The following NMNAT3 variants were observed in gnomAD, a reference collection of about 807,000 sequenced individuals.
NMNAT3 encodes nicotinamide/nicotinic acid mononucleotide adenylyltransferase 3.
Under a neutral mutation model 24.8 loss-of-function variants are expected in NMNAT3, and 21 were observed. The observed-to-expected ratio is 0.85, with a 90% CI of 0.60 to 1.22. NMNAT3 has a LOEUF of 1.22. Ranked by LOEUF, NMNAT3 falls within the 50% of genes most tolerant of loss-of-function variation. NMNAT3 has a pLI of 0.00. For missense variants in NMNAT3, 387 were observed against 436.6 expected (o/e 0.89, Z 1.01); for synonymous variants, 136 against 155.2 (o/e 0.88, Z 0.92).
intron 2 of NMNAT3, chr3:139,634,645 C>A (rs2056433535): frequency 6.6e-6 from 1 of 152,148 alleles, no homozygotes; most frequent in Non-Finnish European, 1.5e-5. Flanking sequence ...CTGCCAGCCA[C>A]CCCTTGGAGG....
chr3:139,622,068 T>C (rs139632952), intron 3 of NMNAT3, among the ~76,000 whole-genome samples: 2 of 152,324 alleles, frequency 1.3e-5, no homozygotes, highest in Non-Finnish European at 2.9e-5. Context: ...CCCTTTTATA[T>C]ATTGATTTCT....
chr3:139,596,927 T>TATAC, intron 3 of NMNAT3, among the ~76,000 whole-genome samples: 1 of 20,944 alleles, frequency 4.8e-5, no homozygotes, highest in South Asian at 9.6e-4. Context: ...TATATATATA[T>TATAC]ATATATATAT....
At chr3:139,605,801 A>G (rs1340870067) in intron 3 of NMNAT3, among the ~76,000 whole-genome samples, 1 of 152,128 alleles carries the variant, frequency 6.6e-6, no homozygotes, top group Non-Finnish European at 1.5e-5. Flanking sequence ...GGAGGGGGCA[A>G]TAATGCCAAC....
chr3:139,590,925 G>T (rs1424791581), intron 3 of NMNAT3, among the ~76,000 whole-genome samples: 1 of 152,104 alleles, frequency 6.6e-6, no homozygotes, highest in African/African-American at 2.4e-5. Flanking sequence ...TAATGATATA[G>T]ATTAAAAATA....
chr3:139,672,260 T>C (rs76156573), intron 1 of NMNAT3, among the ~76,000 whole-genome samples: 61 of 152,214 alleles, frequency 4.0e-4, no homozygotes, highest in African/African-American at 1.3e-3. Context: ...CCTTGACACT[T>C]CATTTTTATA....
At chr3:139,669,029 T>A (rs60340613) in intron 1 of NMNAT3, among the ~76,000 whole-genome samples, 3,240 of 152,322 alleles carry the variant, frequency 0.021, 124 homozygotes, top group African/African-American at 0.074. Context: ...TTTACAATTT[T>A]AAATCATTTC....
chr3:139,587,110 C>A (rs912310921), intron 3 of NMNAT3, among the ~76,000 whole-genome samples: 1 of 152,202 alleles, frequency 6.6e-6, no homozygotes, highest in African/African-American at 2.4e-5. Context: ...CAATACACAA[C>A]GGCACTGACA....
intron 2 of NMNAT3, among the ~76,000 whole-genome samples, chr3:139,629,676 T>C (rs16849220): frequency 0.69 from 105,506 of 151,998 alleles, 37,903 homozygotes; most frequent in South Asian, 0.88. Flanking sequence ...ACTGTTTCAA[T>C]TTGGCCCATG....
Position 139,632,312 on chromosome 3 carries a change from C to T in NMNAT3, c.-40-4548G>A, listed in dbSNP as rs113965821. Reference sequence around the variant, plus strand: ...TCCCTCCCCAAAGCCCCACTTCACCCGACTCAATCTGAAACTTAAAAAAGA... The same window carrying T: ...TCCCTCCCCAAAGCCCCACTTCACCTGACTCAATCTGAAACTTAAAAAAGA... On this transcript the variant is annotated intron_variant, in intron 2 of 6. Transcript: ENST00000643695. Among the ~76,000 whole-genome samples the T allele has an allele frequency of 1.3e-4, 20 of 152,238 alleles. 1 individual carries two copies. The South Asian group carries it at 1.5e-3, about 11-fold the overall frequency.
intron 2 of NMNAT3, among the ~76,000 whole-genome samples, chr3:139,633,386 G>C (rs970933100): frequency 2.0e-5 from 3 of 151,894 alleles, no homozygotes; most frequent in African/African-American, 7.3e-5. Context: ...CTCCATGTTG[G>C]TCAGGCTGGT....
intron 3 of NMNAT3, among the ~76,000 whole-genome samples, chr3:139,618,074 C>CA (rs1371364616): frequency 1.3e-5 from 2 of 152,178 alleles, no homozygotes; most frequent in Admixed American, 1.3e-4. Context: ...TAGCACGTGA[C>CA]ACAAGGCAAA....
chr3:139,627,598 C>T lies in NMNAT3; in HGVS notation c.109+18G>A, dbSNP rs767269722. ...AACCCACCAGTTCTTCTGTTGGACT[C>T]AGGGCCCCCTGACTGACCTGTTTGG... On this transcript the variant is annotated intron_variant, in intron 3 of 6. Transcript: ENST00000643695. 1 of 1,494,764 alleles carries T rather than the reference C, an allele frequency of 6.7e-7. No homozygotes were observed. The highest frequency in any genetic ancestry group is 2.3e-5 in the East Asian group (1 of 43,310). The allele number at this position is 1,494,764 out of a possible 1,614,324, so 92.6% of individuals were successfully genotyped here. A position where few individuals can be genotyped will look rare whatever the true frequency, so the allele number is the denominator to read the frequency against.
intron 1 of NMNAT3, among the ~76,000 whole-genome samples, chr3:139,673,831 C>G (rs368128580): frequency 4.6e-5 from 7 of 151,922 alleles, no homozygotes; most frequent in Admixed American, 2.0e-4. Flanking sequence ...AGGCATGGTG[C>G]TAAGTACAGG....
intron 6 of NMNAT3, among the ~76,000 whole-genome samples, chr3:139,563,679 C>T (rs1157345422): frequency 6.6e-6 from 1 of 152,150 alleles, no homozygotes; most frequent in Non-Finnish European, 1.5e-5. Context: ...GATCACTTCT[C>T]GGGCAACATG....
intron 1 of NMNAT3, among the ~76,000 whole-genome samples, chr3:139,659,600 G>A (rs930837610): frequency 6.6e-6 from 1 of 152,184 alleles, no homozygotes; most frequent in Non-Finnish European, 1.5e-5. Flanking sequence ...AAACATATAG[G>A]GGGGAGTAAA....
intron 6 of NMNAT3, among the ~76,000 whole-genome samples, chr3:139,561,999 C>A (rs1936471090): frequency 6.6e-6 from 1 of 152,096 alleles, no homozygotes; most frequent in South Asian, 2.1e-4. Flanking sequence ...TGTGGATAAT[C>A]CTTTGGAATG....
At chr3:139,592,350 A>G (rs2054235329) in intron 3 of NMNAT3, among the ~76,000 whole-genome samples, 1 of 152,238 alleles carries the variant, frequency 6.6e-6, no homozygotes, top group African/African-American at 2.4e-5. Context: ...TGATTGGTGT[A>G]CCTGAAAGTG....
intron 1 of NMNAT3, among the ~76,000 whole-genome samples, chr3:139,642,982 C>T (rs975857333): frequency 6.6e-6 from 1 of 152,134 alleles, no homozygotes; most frequent in Non-Finnish European, 1.5e-5. Context: ...AACACTCAGC[C>T]TATATAAGGC....
chr3:139,578,891 C>G lies in NMNAT3; in HGVS notation c.556G>C (p.Glu186Gln), dbSNP rs1939731993. 1 of 1,614,114 alleles carries G rather than the reference C, an allele frequency of 6.2e-7. No individual in the cohort carries two copies. The highest frequency in any genetic ancestry group is 8.5e-7 in the Non-Finnish European group (1 of 1,179,962). Residue 186 changes from glutamate (E) to glutamine (Q), a missense_variant, in exon 5 of 7, where the codon GAG becomes CAG. By Grantham distance (29) the Glu-to-Gln change is conservative. Around this residue, in one of 3 missense-constraint regions of NMNAT3, gnomAD observed 323 missense variants for 345.2 expected, o/e 0.94. Transcript: ENST00000643695. ...CATTACCTCAGCACCTTCACTGTCT[C>G]CATCCACTGTGCCTGCTCACTCTCC...
Sources: allele counts gnomAD v4.1 joint callset (sites outside exome capture counted in the v4.1 genomes callset), GRCh38; gene constraint gnomAD v4.1.1; regional missense constraint gnomAD v4.1.1; transcripts MANE v1.5; gene names NCBI Gene and HGNC (gene_info 2026-07-23, HGNC 2026-07-21).